GUCY1A2: variants seen among roughly 807,000 people sequenced by gnomAD.
GUCY1A2 encodes the protein guanylate cyclase 1 soluble subunit alpha 2, also known as guanylate cyclase soluble subunit alpha-2.
In GUCY1A2, 27 loss-of-function variants were observed where a neutral mutation model predicts 63.5. That is an observed-to-expected ratio of 0.43 (90% confidence interval 0.31 to 0.59). GUCY1A2 has a LOEUF of 0.59. Ranked by LOEUF, GUCY1A2 falls within the 20% of genes least tolerant of loss-of-function variation. GUCY1A2 has a pLI of 0.11. For synonymous variants in GUCY1A2, 364 were observed against 343.5 expected (o/e 1.06, Z -0.66); for missense variants, 768 against 913.3 (o/e 0.84, Z 2.05).
At chr11:106,951,475 C>T (rs896815923) in intron 3 of GUCY1A2, among the ~76,000 whole-genome samples, 2 of 152,154 alleles carry the variant, frequency 1.3e-5, no homozygotes, top group African/African-American at 4.8e-5. Context: ...TTTTCATTTG[C>T]ATTTCTCTGA....
At chr11:106,908,583 G>A (rs7125424) in intron 4 of GUCY1A2, among the ~76,000 whole-genome samples, 29 of 150,480 alleles carry the variant, frequency 1.9e-4, no homozygotes, top group Non-Finnish European at 3.7e-4. Context: ...CAGAGAGAGA[G>A]GATGATAAAG....
intron 4 of GUCY1A2, among the ~76,000 whole-genome samples, chr11:106,835,763 G>C (rs1859108824): frequency 6.6e-6 from 1 of 151,882 alleles, no homozygotes; most frequent in Non-Finnish European, 1.5e-5. Context: ...TGTCATCCTA[G>C]TGTGGTACAC....
At chr11:106,729,422 G>A (rs1247636742) in intron 6 of GUCY1A2, among the ~76,000 whole-genome samples, 2 of 152,054 alleles carry the variant, frequency 1.3e-5, no homozygotes, top group African/African-American at 4.8e-5. Flanking sequence ...TGGGCTGGGT[G>A]TGTGACTTTG....
Position 106,709,485 on chromosome 11 carries a change from T to A in GUCY1A2, c.1837-819A>T, listed in dbSNP as rs1250068851. Reference sequence around the variant, plus strand: ...ATAGAATAATATATATTATTATATATTTATATATATATAATAATATATATT... The same window carrying A: ...ATAGAATAATATATATTATTATATAATTATATATATATAATAATATATATT... On this transcript the variant is annotated intron_variant, in intron 6 of 7. Transcript: ENST00000526355. Among the ~76,000 whole-genome samples the A allele has an allele frequency of 4.2e-3, 232 of 55,328 alleles. 13 individuals are homozygous for A. The highest frequency in any genetic ancestry group is 5.3e-3 in the Non-Finnish European group (190 of 35,660). The allele number at this position is 55,328 out of a possible 152,430, so 36.3% of individuals were successfully genotyped here. A position where few individuals can be genotyped will look rare whatever the true frequency, so the allele number is the denominator to read the frequency against.
intron 6 of GUCY1A2, among the ~76,000 whole-genome samples, chr11:106,737,588 C>T (rs1863613517): frequency 1.3e-5 from 2 of 152,124 alleles, no homozygotes. Flanking sequence ...TGTGATGTCC[C>T]CTCCCTGTGT....
chr11:106,914,002 AAG>A lies in GUCY1A2; in HGVS notation c.1206+25456_1206+25457del, dbSNP rs1474808602. On this transcript the variant is annotated intron_variant, in intron 4 of 7. Transcript: ENST00000526355. ...ATGAAAAAGCAAAAAAAAAAAAAAA[AAG>A]AAAGAAAGAAAGAAAAAGAAAGAGA... Among the ~76,000 whole-genome samples, 178 of 150,260 alleles carry A rather than the reference AAG, an allele frequency of 1.2e-3. 1 individual carries two copies. Among genetic ancestry groups the A allele is most frequent in the African/African-American group, 4.2e-3 (173 of 40,902 alleles).
At chr11:106,771,892 A>C (rs1205390668) in intron 6 of GUCY1A2, among the ~76,000 whole-genome samples, 1 of 152,232 alleles carries the variant, frequency 6.6e-6, no homozygotes, top group East Asian at 1.9e-4. Context: ...CTCACTTTTT[A>C]TAAAAGCAGT....
At chr11:106,728,389 A>T (rs945664125) in intron 6 of GUCY1A2, among the ~76,000 whole-genome samples, 1 of 152,172 alleles carries the variant, frequency 6.6e-6, no homozygotes, top group African/African-American at 2.4e-5. Context: ...CATATATATC[A>T]TAGTAGACTC....
intron 4 of GUCY1A2, among the ~76,000 whole-genome samples, chr11:106,813,860 G>A (rs921080336): frequency 2.0e-5 from 3 of 152,076 alleles, no homozygotes; most frequent in African/African-American, 7.2e-5. Flanking sequence ...ACTGTGCTGA[G>A]TACTTAATTA....
chr11:106,770,848 G>A (rs112975927), intron 6 of GUCY1A2, among the ~76,000 whole-genome samples: 6 of 148,156 alleles, frequency 4.0e-5, no homozygotes, highest in Admixed American at 6.7e-5. Context: ...GCAAATCAGG[G>A]AATGCTGTGA....
chr11:106,831,357 C>A (rs2135437148), intron 4 of GUCY1A2, among the ~76,000 whole-genome samples: 1 of 152,170 alleles, frequency 6.6e-6, no homozygotes, highest in East Asian at 1.9e-4. Flanking sequence ...AGAAACATTC[C>A]TTGGAAGCTT....
At chr11:106,972,101 T>C (rs988155395) in intron 3 of GUCY1A2, among the ~76,000 whole-genome samples, 21 of 152,212 alleles carry the variant, frequency 1.4e-4, no homozygotes, top group African/African-American at 5.1e-4. Flanking sequence ...GAAATTGTCA[T>C]AGATAAGAGA....
At chr11:106,694,192 T>C (rs766132527) in intron 7 of GUCY1A2, among the ~76,000 whole-genome samples, 7 of 152,196 alleles carry the variant, frequency 4.6e-5, no homozygotes, top group South Asian at 2.1e-4. Context: ...ATTCTGGAAG[T>C]TGAATTTAGG....
chr11:106,682,965 T>A lies in GUCY1A2; in HGVS notation c.*4584A>T, dbSNP rs1862456269. ...ATCTGTATGTAATATCAGTGTCTGC[T>A]CTTCATTCACCACTACGAGGATCTT... On this transcript the variant is annotated 3_prime_UTR_variant, in exon 8 of 8. Transcript: ENST00000526355. 4.6e-6 allele frequency: 1 copy of A among 215,808 alleles called. No individual in the cohort carries two copies. Among genetic ancestry groups the A allele is most frequent in the South Asian group, 1.9e-4 (1 of 5,388 alleles). 13.4% of individuals were successfully genotyped at this position (215,808 alleles called of 1,614,324 possible).
chr11:107,012,258 T>A (rs1186385802), intron 1 of GUCY1A2, among the ~76,000 whole-genome samples: 7 of 83,942 alleles, frequency 8.3e-5, no homozygotes, highest in African/African-American at 4.1e-4. Flanking sequence ...TGCTTCTTAT[T>A]ACTTTTTTTT....
At chr11:106,906,328 CAT>C (rs557073222) in intron 4 of GUCY1A2, among the ~76,000 whole-genome samples, 146 of 152,246 alleles carry the variant, frequency 9.6e-4, no homozygotes, top group Non-Finnish European at 1.1e-3. Flanking sequence ...AGCCAACAAA[CAT>C]ATGAAAAAAA....
intron 3 of GUCY1A2, among the ~76,000 whole-genome samples, chr11:106,950,562 TA>T (rs1487874419): frequency 6.6e-6 from 1 of 152,188 alleles, no homozygotes; most frequent in Non-Finnish European, 1.5e-5. Context: ...CTTTACTTTT[TA>T]CCAGTCTCTT....
intron 2 of GUCY1A2, among the ~76,000 whole-genome samples, chr11:106,979,757 G>A (rs1029924731): frequency 3.3e-5 from 5 of 152,128 alleles, no homozygotes; most frequent in Non-Finnish European, 7.3e-5. Flanking sequence ...ACATTCCAAA[G>A]GGGTAGCCAA....
intron 4 of GUCY1A2, among the ~76,000 whole-genome samples, chr11:106,825,389 T>C (rs550299555): frequency 8.6e-5 from 13 of 150,926 alleles, no homozygotes; most frequent in Admixed American, 1.3e-4. Context: ...CTGAGCCACA[T>C]TGGAAGAAGA....
Sources: allele counts gnomAD v4.1 joint callset (sites outside exome capture counted in the v4.1 genomes callset), GRCh38; gene constraint gnomAD v4.1.1; transcripts MANE v1.5; gene names NCBI Gene and HGNC (gene_info 2026-07-23, HGNC 2026-07-21).